The following TBC1D15 variants were observed in gnomAD, a reference collection of about 807,000 sequenced individuals.
The protein encoded by TBC1D15 is TBC1 domain family member 15, also known as GAP for RAB7.
TBC1D15 carries 39 observed loss-of-function variants against 95.4 expected under a neutral mutation model. The observed-to-expected ratio is 0.41, with a 90% CI of 0.32 to 0.53. The LOEUF is 0.53. TBC1D15 is among the 20% of genes least tolerant of loss of function. The probability of loss-of-function intolerance (pLI) is 0.29; values close to 1 mark genes in which losing one functional copy is unlikely to be tolerated. For missense variants in TBC1D15, 733 were observed against 794.3 expected, an observed-to-expected ratio of 0.92 and a Z score of 0.93; for synonymous variants, 258 against 261.3, an observed-to-expected ratio of 0.99 and a Z score of 0.12.
Position 71,923,859 on chromosome 12 carries a change from T to A in TBC1D15, c.*655T>A, listed in dbSNP as rs945943930. On this transcript the variant is annotated 3_prime_UTR_variant, in exon 17 of 17. Coordinates refer to ENST00000485960, the MANE Select transcript of TBC1D15 (RefSeq NM_001146213.3). ...TACTTATTTATGAGTATAAGAAAGG[T>A]TAGGCATATTTTCATTAACTGAATA... 3.3e-5 allele frequency: 5 copies of A among 152,536 alleles called. No individual in the cohort carries two copies. Among genetic ancestry groups the A allele is most frequent in the African/African-American group, 1.2e-4 (5 of 41,434 alleles). 9.4% of individuals were successfully genotyped at this position (152,536 alleles called of 1,614,324 possible).
At chr12:71,871,642 G>A (rs7961503) in intron 1 of TBC1D15, among the ~76,000 whole-genome samples, 16,656 of 152,224 alleles carry the variant, frequency 0.11, 1,082 homozygotes, top group African/African-American at 0.16. Flanking sequence ...GAGTGCAGTG[G>A]CTATTAACAG....
At chr12:71,918,789 A>G (rs1380407845) in intron 14 of TBC1D15, among the ~76,000 whole-genome samples, 2 of 152,204 alleles carry the variant, frequency 1.3e-5, no homozygotes, top group African/African-American at 2.4e-5. Flanking sequence ...GTATCCCAGA[A>G]CAAGTGCTCT....
intron 1 of TBC1D15, chr12:71,861,536 A>ATTTCT: frequency 1.4e-6 from 2 of 1,456,862 alleles, no homozygotes; most frequent in South Asian, 2.8e-5. Flanking sequence ...TTTCTGTGGT[A>ATTTCT]TGTTTTAATG....
chr12:71,890,299 T>C (rs1043491640), intron 5 of TBC1D15, among the ~76,000 whole-genome samples: 3 of 152,204 alleles, frequency 2.0e-5, no homozygotes, highest in Non-Finnish European at 2.9e-5. Context: ...CAGAGTCTTA[T>C]TTCTATGGTC....
At chr12:71,849,951 T>A (rs1032415037) in intron 1 of TBC1D15, 19 of 537,482 alleles carry the variant, frequency 3.5e-5, no homozygotes, top group Non-Finnish European at 6.8e-5. Context: ...CTGAAGGGTG[T>A]TGATCCAGTA....
chr12:71,912,760 A>AT (rs1260577815), intron 11 of TBC1D15, among the ~76,000 whole-genome samples: 1 of 152,110 alleles, frequency 6.6e-6, no homozygotes, highest in Admixed American at 6.6e-5. Context: ...ATGAAAGACT[A>AT]TTTTCCAGAC....
Position 71,917,085 on chromosome 12 carries a change from A to G in TBC1D15, c.1402-613A>G, listed in dbSNP as rs1903883820. 2.0e-5 allele frequency among the ~76,000 whole-genome samples: 3 copies of G among 152,106 alleles called. No individual in the cohort carries two copies. In the South Asian group the frequency reaches 6.2e-4, roughly 32 times the overall value. The stretch of plus-strand genomic sequence containing the variant: ...CACAAGAGATTGTTTTAAATTTTTC[A>G]TTTTTAAAAATGTCTGGTTTAATAG... On this transcript the variant is annotated intron_variant, in intron 12 of 16. Coordinates refer to ENST00000485960, the MANE Select transcript of TBC1D15 (RefSeq NM_001146213.3).
Position 71,872,934 on chromosome 12 carries a change from C to G in TBC1D15, c.135C>G (p.Ala45=), listed in dbSNP as rs138621844. The part of the protein sequence containing the change: ...SGILRVLEKD[A]EVIVDWRPLD... Reference sequence around the variant, plus strand: ...TTCATAATTTCTTTCTCTAGGATGCCGAAGTAATAGTGGACTGGAGACCAT... The same window carrying G: ...TTCATAATTTCTTTCTCTAGGATGCGGAAGTAATAGTGGACTGGAGACCAT... Residue 45 remains alanine, a synonymous_variant, in exon 3 of 17, where the codon GCC becomes GCG. Transcript: ENST00000485960. The G allele has an allele frequency of 1.2e-6, 2 of 1,600,412 alleles. No individual in the cohort carries two copies. Among genetic ancestry groups the G allele is most frequent in the Admixed American group, 1.7e-5 (1 of 57,672 alleles).
intron 5 of TBC1D15, among the ~76,000 whole-genome samples, chr12:71,886,522 CAAATTTAGATTACATAAGGCTTGCCT>C (rs1366000413): frequency 1.3e-5 from 2 of 152,142 alleles, no homozygotes; most frequent in Admixed American, 6.5e-5. Context: ...ACACCTTGCC[CAAATTTAGATTACATAAGGCTTGCCT>C]AAATTTAGAT....
At chr12:71,906,209 C>T (rs1900674972) in intron 10 of TBC1D15, among the ~76,000 whole-genome samples, 1 of 152,160 alleles carries the variant, frequency 6.6e-6, no homozygotes, top group African/African-American at 2.4e-5. Context: ...AGAAAGTTTT[C>T]AGGTTACTCA....
At chr12:71,867,146 A>G (rs531104850) in intron 1 of TBC1D15, among the ~76,000 whole-genome samples, 21 of 152,352 alleles carry the variant, frequency 1.4e-4, no homozygotes, top group African/African-American at 4.8e-4. Flanking sequence ...TAAAGGCCAA[A>G]TGCTCCTGCA....
At chr12:71,896,971 T>C (rs916360610) in intron 9 of TBC1D15, among the ~76,000 whole-genome samples, 191 bp downstream of exon 9, 2 of 152,160 alleles carry the variant, frequency 1.3e-5, no homozygotes, top group Non-Finnish European at 2.9e-5. Context: ...AAGCACCTTT[T>C]TGCATTTATT....
chr12:71,839,798 T>A lies in TBC1D15; in HGVS notation c.17T>A (p.Val6Asp), dbSNP rs1272101183. The A allele has an allele frequency of 3.1e-6, 5 of 1,614,064 alleles. No homozygotes were observed. The highest frequency in any genetic ancestry group is 4.2e-6 in the Non-Finnish European group (5 of 1,179,996). Residue 6 changes from valine to aspartate, a missense_variant, in exon 1 of 17, where the codon GTT becomes GAT. Physicochemically the swap from Val to Asp is radical, Grantham distance 152 (BLOSUM62 -3). Transcript: ENST00000485960. ...GCAGGAAACATGGCGGCGGCGGGTG[T>A]TGTGAGCGGGAAGGTAGGTAACGGC... MAAAG[V>D]VSGKIIYEQE...
At chr12:71,907,807 A>G (rs1901126999) in intron 11 of TBC1D15, 2 of 152,236 alleles carry the variant, frequency 1.3e-5, no homozygotes, top group Admixed American at 1.3e-4. Context: ...CAAGCAGTGC[A>G]AAAATTTTGT....
intron 4 of TBC1D15, among the ~76,000 whole-genome samples, chr12:71,884,261 G>GT (rs1219573299): frequency 6.6e-6 from 1 of 152,034 alleles, no homozygotes; most frequent in African/African-American, 2.4e-5. Flanking sequence ...TTTTTGTTTT[G>GT]TTTTTTGACT....
intron 1 of TBC1D15, among the ~76,000 whole-genome samples, chr12:71,855,956 C>A (rs1888973788): frequency 6.6e-6 from 1 of 150,666 alleles, no homozygotes; most frequent in Admixed American, 6.6e-5. Context: ...GGGGGGGTAT[C>A]TTGTTCAAAT....
intron 1 of TBC1D15, chr12:71,850,126 A>G (rs1175026433): frequency 3.8e-6 from 2 of 529,050 alleles, no homozygotes; most frequent in African/African-American, 3.9e-5. Flanking sequence ...CTCAGCTTTC[A>G]AATACTCCAT....
chr12:71,858,998 CA>C lies in TBC1D15; in HGVS notation c.31-13066del, dbSNP rs561227908. Among the ~76,000 whole-genome samples the C allele has an allele frequency of 2.2e-4, 32 of 148,064 alleles. No homozygotes were observed. The East Asian group carries it at 5.8e-3, about 27-fold the overall frequency. On this transcript the variant is annotated intron_variant, in intron 1 of 16. Transcript: ENST00000485960. The stretch of plus-strand genomic sequence containing the variant: ...TTTTTTTTTTTTGTAGTTTTGATGA[CA>C]AAAAATTAGTCATCAGTTAATTAGC...
chr12:71,881,895 C>CA (rs1895232315), intron 4 of TBC1D15, among the ~76,000 whole-genome samples: 1 of 110,078 alleles, frequency 9.1e-6, no homozygotes, highest in Admixed American at 1.4e-4. Flanking sequence ...TGCAGCCTGG[C>CA]AACACAGCAA....
Sources: gnomAD v4.1 joint callset for allele counts (sites outside exome capture counted in the v4.1 genomes callset) on GRCh38, gnomAD v4.1.1 for gene constraint, MANE v1.5 for transcripts, NCBI Gene and HGNC (gene_info 2026-07-23, HGNC 2026-07-21) for gene names.